DOCK7: variants seen among roughly 807,000 people sequenced by gnomAD.
The protein encoded by DOCK7 is dedicator of cytokinesis protein 7.
In DOCK7, 138 loss-of-function variants were observed where a neutral mutation model predicts 271.0. The ratio of observed to expected loss-of-function variants is 0.51; its 90% CI spans 0.44 to 0.59. DOCK7 has a LOEUF of 0.59. Among genes scored for constraint, DOCK7 ranks in the 20% least tolerant of loss-of-function variants. The pLI, the probability that DOCK7 is intolerant of heterozygous loss-of-function variation, is 0.00. For synonymous variants in DOCK7, 823 were observed against 876.1 expected (o/e 0.94, Z 1.07); for missense variants, 2,066 against 2,592.4 (o/e 0.80, Z 4.41).
intron 43 of DOCK7, among the ~76,000 whole-genome samples, chr1:62,480,889 GT>G (rs903182119): frequency 2.6e-5 from 4 of 152,102 alleles, no homozygotes; most frequent in Admixed American, 2.6e-4. Context: ...GGTGCCCGCA[GT>G]CCCAGCTGCT....
At chr1:62,550,823 C>T (rs978890230) in intron 22 of DOCK7, among the ~76,000 whole-genome samples, 1 of 151,366 alleles carries the variant, frequency 6.6e-6, no homozygotes, top group Admixed American at 6.6e-5. Flanking sequence ...CAGGTTCAAG[C>T]GATTCACCTA....
At chr1:62,598,884 G>A in intron 14 of DOCK7, 1 of 867,548 alleles carries the variant, frequency 1.2e-6, no homozygotes, top group Non-Finnish European at 1.9e-6. Flanking sequence ...TTATTTACAA[G>A]CTTTAACTGG....
chr1:62,612,198 C>A (rs958027810), intron 14 of DOCK7, among the ~76,000 whole-genome samples: 4 of 152,072 alleles, frequency 2.6e-5, no homozygotes, highest in African/African-American at 9.7e-5. Flanking sequence ...GAGATACATA[C>A]TGAAGGATTT....
intron 1 of DOCK7, 46 bp from the exon 2 acceptor site, chr1:62,663,176 AAACT>A: frequency 6.3e-6 from 9 of 1,437,996 alleles, no homozygotes; most frequent in Non-Finnish European, 7.6e-6. Flanking sequence ...AAAAAAAAAA[AAACT>A]AAACTAGTTT....
intron 17 of DOCK7, 90 bp downstream of exon 17, chr1:62,578,738 A>AAAC: frequency 1.9e-6 from 2 of 1,056,102 alleles, no homozygotes; most frequent in Non-Finnish European, 2.6e-6. Context: ...AAAAAAAAAA[A>AAAC]ACCCACAAAT....
In DOCK7 at chr1:62,455,076, C is replaced by A; in HGVS notation, c.*338G>T. On this transcript the variant is annotated 3_prime_UTR_variant, in exon 50 of 50. Transcript: ENST00000635253. ...AAGCATTACTACATTTAAAATGGTT[C>A]CAAAATGAATCTATAAATGGTAATA... 1 of 486,036 alleles carries A rather than the reference C, an allele frequency of 2.1e-6. No homozygotes were observed. Among genetic ancestry groups the A allele is most frequent in the South Asian group, 3.8e-5 (1 of 26,232 alleles). 30.1% of individuals were successfully genotyped at this position (486,036 alleles called of 1,614,324 possible). A position where few individuals can be genotyped will look rare whatever the true frequency, so the allele number is the denominator to read the frequency against.
rs72667367 is a variant in DOCK7, at chr1:62,549,001, T to C, written c.2766+3731A>G. Reference sequence around the variant, plus strand: ...GGGAATCATTAGCATAACATTTACGTGGTATTTAAAGCCATGGAACCTGAT... The same window carrying C: ...GGGAATCATTAGCATAACATTTACGCGGTATTTAAAGCCATGGAACCTGAT... On this transcript the variant is annotated intron_variant, in intron 22 of 49. Coordinates refer to ENST00000635253, the MANE Select transcript of DOCK7 (RefSeq NM_001367561.1). Among the ~76,000 whole-genome samples the C allele has an allele frequency of 5.0e-3, 762 of 152,254 alleles. 3 individuals carry two copies. Among genetic ancestry groups the C allele is most frequent in the Non-Finnish European group, 7.4e-3 (504 of 68,026 alleles).
In DOCK7 at chr1:62,468,360, C is replaced by CAAAAAAAAAAAAAAAAA. The variant is rs201784083; in HGVS notation, c.6212+5605_6212+5621dup. Among the ~76,000 whole-genome samples, 4 of 93,082 alleles carry CAAAAAAAAAAAAAAAAA rather than the reference C, an allele frequency of 4.3e-5. 2 individuals carry two copies. The highest frequency in any genetic ancestry group is 4.5e-5 in the Non-Finnish European group (2 of 44,436). The allele number at this position is 93,082 out of a possible 152,430, so 61.1% of individuals were successfully genotyped here. A position where few individuals can be genotyped will look rare whatever the true frequency, so the allele number is the denominator to read the frequency against. ...TGGGCAACAGAGCGAGACTCTGTCT[C>CAAAAAAAAAAAAAAAAA]AAAAAAAAAAAAAAAAAAAGCATCA... On this transcript the variant is annotated intron_variant, in intron 48 of 49. Transcript: ENST00000635253.
chr1:62,501,024 G>A (rs1225746507), intron 37 of DOCK7, among the ~76,000 whole-genome samples: 1 of 148,618 alleles, frequency 6.7e-6, no homozygotes, highest in Non-Finnish European at 1.5e-5. Context: ...GTGACAGGAG[G>A]AAACGCTGTC....
intron 48 of DOCK7, among the ~76,000 whole-genome samples, chr1:62,471,684 C>T (rs1310590539): frequency 2.0e-5 from 3 of 152,098 alleles, no homozygotes; most frequent in Non-Finnish European, 4.4e-5. Flanking sequence ...TGTACTGTGC[C>T]TCAGTCATCT....
At chr1:62,654,530 A>G (rs1386620061) in intron 2 of DOCK7, among the ~76,000 whole-genome samples, 3 of 152,200 alleles carry the variant, frequency 2.0e-5, no homozygotes, top group Admixed American at 6.5e-5. Flanking sequence ...CTACGTTTCT[A>G]AACAGTGCTC....
At chr1:62,509,104 T>G (rs544504924) in intron 34 of DOCK7, among the ~76,000 whole-genome samples, 2 of 151,984 alleles carry the variant, frequency 1.3e-5, no homozygotes, top group Non-Finnish European at 2.9e-5. Context: ...AGGGGATCCT[T>G]GAGACCAGGA....
chr1:62,636,901 T>C (rs919855587), intron 7 of DOCK7, among the ~76,000 whole-genome samples: 1 of 152,200 alleles, frequency 6.6e-6, no homozygotes, highest in African/African-American at 2.4e-5. Flanking sequence ...CTTTCTAACA[T>C]GGTCACTTAT....
intron 18 of DOCK7, among the ~76,000 whole-genome samples, chr1:62,565,628 G>A (rs1039524585): frequency 1.3e-5 from 2 of 152,104 alleles, no homozygotes; most frequent in African/African-American, 4.8e-5. Context: ...AAAACTGGAA[G>A]CATCCCCTTT....
rs1346114751 is a variant in DOCK7 at position 62,559,025 on chromosome 1, A to G, written c.2395T>C (p.Leu799=). 1 of 1,613,784 alleles carries G rather than the reference A, an allele frequency of 6.2e-7. No individual in the cohort carries two copies. The highest frequency in any genetic ancestry group is 2.2e-5 in the East Asian group (1 of 44,872). The change falls in exon 20 of 50, where the codon TTA becomes CTA. Residue 799 remains leucine (L), a synonymous_variant. Transcript: ENST00000635253. ...GCAATGACAGGAGGTCTAATAACTAAAAGTATCAGTTTATCTAGCAGAAGA... is the reference window on the plus strand; with the variant it reads ...GCAATGACAGGAGGTCTAATAACTAGAAGTATCAGTTTATCTAGCAGAAGA... The part of the protein sequence containing the change: ...LHLLLDKLIL[L]VIRPPVIAGQ...
At chr1:62,680,579 A>G (rs1661010213) in intron 1 of DOCK7, among the ~76,000 whole-genome samples, 1 of 152,068 alleles carries the variant, frequency 6.6e-6, no homozygotes. Context: ...AGCAAAAGAC[A>G]CTACCATCAG....
At chr1:62,473,151 T>C (rs1015047333) in intron 48 of DOCK7, among the ~76,000 whole-genome samples, 7 of 152,172 alleles carry the variant, frequency 4.6e-5, no homozygotes, top group Non-Finnish European at 8.8e-5. Context: ...GACACACCCA[T>C]AAATTATTTC....
At chr1:62,552,925 C>T (rs1249081447) in intron 21 of DOCK7, 24 bp from the exon 22 acceptor site, 1 of 1,442,108 alleles carries the variant, frequency 6.9e-7, no homozygotes, top group African/African-American at 1.5e-5. Context: ...TGAAATAGCA[C>T]ATAATTAAAG....
chr1:62,544,883 A>AAAAAGTAATGTTCT (rs1394271866), intron 23 of DOCK7, 64 bp downstream of exon 23: 1 of 1,293,664 alleles, frequency 7.7e-7, no homozygotes, highest in Non-Finnish European at 1.1e-6. Flanking sequence ...AGTATATACT[A>AAAAAGTAATGTTCT]AAAAGTAATG....
Sources: allele counts gnomAD v4.1 joint callset (sites outside exome capture counted in the v4.1 genomes callset), GRCh38; gene constraint gnomAD v4.1.1; transcripts MANE v1.5; gene names NCBI Gene and HGNC (gene_info 2026-07-23, HGNC 2026-07-21).